LRP5: variants seen among roughly 807,000 people sequenced by gnomAD.
LRP5 encodes LDL receptor related protein 5, also known as low-density lipoprotein receptor-related protein 5.
A neutral mutation model predicts 154.1 loss-of-function variants in LRP5; 62 were observed. The observed-to-expected ratio is 0.40, with a 90% CI of 0.33 to 0.50. The LOEUF (loss-of-function observed/expected upper bound fraction) is 0.50, where lower values mean the gene tolerates loss of function less well. Among genes scored for constraint, LRP5 ranks in the 20% least tolerant of loss-of-function variants. The pLI, the probability that LRP5 is intolerant of heterozygous loss-of-function variation, is 0.55. For missense variants in LRP5, 1,915 were observed against 2,336.7 expected, an observed-to-expected ratio of 0.82 and a Z score of 3.72; for synonymous variants, 966 against 1,011.5, an observed-to-expected ratio of 0.96 and a Z score of 0.85.
In LRP5 at chr11:68,406,705, G is replaced by C; in HGVS notation, c.1983G>C (p.Glu661Asp). Reference protein sequence around the residue: ...SRAAIHRISLETNNNDVAIPL... With the variant: ...SRAAIHRISLDTNNNDVAIPL... ...CCGCCATCCACAGGATCTCCCTCGA[G>C]ACCAATAACAACGACGTGGCCATCC... The change falls in exon 9 of 23, where the codon GAG becomes GAC. Residue 661 changes from glutamate to aspartate, a missense_variant. Transcript: ENST00000294304. 2 of 1,614,188 alleles carry C rather than the reference G, an allele frequency of 1.2e-6. No homozygotes were observed. Among genetic ancestry groups the C allele is most frequent in the Non-Finnish European group, 1.7e-6 (2 of 1,180,048 alleles).
At chr11:68,340,283 T>C (rs1239343598) in intron 1 of LRP5, among the ~76,000 whole-genome samples, 1 of 152,132 alleles carries the variant, frequency 6.6e-6, no homozygotes, top group Non-Finnish European at 1.5e-5. Flanking sequence ...GATCACTTCC[T>C]GTTTCATGAA....
Position 68,421,777 on chromosome 11 carries a change from TGG to T in LRP5, c.3028-1708_3028-1707del, listed in dbSNP as rs1260902095. The stretch of plus-strand genomic sequence containing the variant: ...GGGGGAGGGAGGCACCCTTTCCATC[TGG>T]GGGTGTGTGTGTGTGGGGTGTGTGT... On this transcript the variant is annotated intron_variant, in intron 13 of 22. Coordinates refer to ENST00000294304, the MANE Select transcript of LRP5 (RefSeq NM_002335.4). Among the ~76,000 whole-genome samples, 925 of 138,088 alleles carry T rather than the reference TGG, an allele frequency of 6.7e-3. 8 individuals carry two copies. Among genetic ancestry groups the T allele is most frequent in the African/African-American group, 0.025 (866 of 34,422 alleles). The allele number at this position is 138,088 out of a possible 152,430, so 90.6% of individuals were successfully genotyped here.
intron 12 of LRP5, 90 bp from the exon 13 acceptor site, chr11:68,416,238 C>A: frequency 1.8e-6 from 2 of 1,123,996 alleles, no homozygotes; most frequent in Non-Finnish European, 1.4e-6. Context: ...GATGCTGAGC[C>A]GCCTGTTGTC....
intron 2 of LRP5, among the ~76,000 whole-genome samples, chr11:68,350,624 G>A (rs905236411): frequency 2.0e-5 from 3 of 152,356 alleles, no homozygotes; most frequent in Admixed American, 2.0e-4. Context: ...TCCTGCAGAT[G>A]CCCCTCCTCT....
intron 18 of LRP5, among the ~76,000 whole-genome samples, chr11:68,435,483 G>A (rs867759744): frequency 6.7e-6 from 1 of 150,352 alleles, no homozygotes; most frequent in Admixed American, 6.6e-5. Flanking sequence ...AGGGAGCAAC[G>A]GAGAGAGAGA....
the LRP5 span, among the ~76,000 whole-genome samples, chr11:68,304,226 T>C: frequency 6.6e-6 from 1 of 152,208 alleles, no homozygotes; most frequent in African/African-American, 2.4e-5. Context: ...CCTGCCTGCA[T>C]CTAGACTGTT....
At chr11:68,337,056 C>T (rs1230687988) in intron 1 of LRP5, among the ~76,000 whole-genome samples, 2 of 152,188 alleles carry the variant, frequency 1.3e-5, no homozygotes, top group Admixed American at 1.3e-4. Flanking sequence ...AAAACGCCAG[C>T]GTTGATCTTT....
intron 3 of LRP5, among the ~76,000 whole-genome samples, chr11:68,361,143 A>G (rs1232790121): frequency 6.7e-6 from 1 of 149,350 alleles, no homozygotes; most frequent in African/African-American, 2.5e-5. Flanking sequence ...GTCTCTACTA[A>G]AAATACAAAA....
intron 13 of LRP5, among the ~76,000 whole-genome samples, chr11:68,421,722 GTGGT>G (rs2098665794): frequency 7.7e-6 from 1 of 129,190 alleles, no homozygotes; most frequent in African/African-American, 2.6e-5. Flanking sequence ...GTGTGTGTGT[GTGGT>G]GTGTGTGTGG....
At chr11:68,313,500 C>T (rs2098590391) in intron 1 of LRP5, among the ~76,000 whole-genome samples, 1 of 152,174 alleles carries the variant, frequency 6.6e-6, no homozygotes. Context: ...CTCAGTTGTA[C>T]ACTCCCGTGG....
chr11:68,388,308 A>G (rs1456794923), intron 6 of LRP5, among the ~76,000 whole-genome samples: 1 of 151,970 alleles, frequency 6.6e-6, no homozygotes, highest in Non-Finnish European at 1.5e-5. Flanking sequence ...CACTGTCTAC[A>G]TGGGCCTCGG....
At chr11:68,400,504 T>C (rs1040266004) in intron 7 of LRP5, among the ~76,000 whole-genome samples, 3 of 152,118 alleles carry the variant, frequency 2.0e-5, no homozygotes, top group Non-Finnish European at 2.9e-5. Context: ...GCAGATCACC[T>C]GAGGTCGGGA....
At chr11:68,401,036 T>A (rs537603449) in intron 7 of LRP5, among the ~76,000 whole-genome samples, 204 of 152,112 alleles carry the variant, frequency 1.3e-3, no homozygotes, top group Non-Finnish European at 2.7e-3. Flanking sequence ...TTATTGTGAG[T>A]GGAAGAAGGG....
At chr11:68,384,832 G>T (rs2098642128) in intron 5 of LRP5, among the ~76,000 whole-genome samples, 1 of 152,206 alleles carries the variant, frequency 6.6e-6, no homozygotes, top group Admixed American at 6.5e-5. Flanking sequence ...AGGTTGGGGG[G>T]TCTCCGTGCG....
intron 2 of LRP5, among the ~76,000 whole-genome samples, chr11:68,351,765 G>A (rs2153132392): frequency 6.6e-6 from 1 of 152,332 alleles, no homozygotes; most frequent in South Asian, 2.1e-4. Context: ...AGGGACGTGT[G>A]CGTAGGGGGA....
chr11:68,331,957 G>T (rs2153119796), intron 1 of LRP5, among the ~76,000 whole-genome samples: 1 of 152,168 alleles, frequency 6.6e-6, no homozygotes, highest in Admixed American at 6.5e-5. Flanking sequence ...TGCTGTCTGG[G>T]TGACTGGGCT....
chr11:68,438,734 G>A, intron 20 of LRP5, 52 bp downstream of exon 20: 1 of 1,546,946 alleles, frequency 6.5e-7, no homozygotes, highest in Non-Finnish European at 8.8e-7. Context: ...GAGTAGTCTG[G>A]GCAGCTTTGG....
chr11:68,360,987 A>T (rs1448653371), intron 3 of LRP5, among the ~76,000 whole-genome samples: 1 of 73,124 alleles, frequency 1.4e-5, no homozygotes, highest in African/African-American at 5.8e-5. Flanking sequence ...ACAGAGCAAG[A>T]CTCTATCTCA....
chr11:68,383,256 G>C (rs1171511594), intron 5 of LRP5, among the ~76,000 whole-genome samples: 1 of 152,144 alleles, frequency 6.6e-6, no homozygotes, highest in Non-Finnish European at 1.5e-5. Flanking sequence ...ATCAAGTGCC[G>C]GTTTCTGTCT....
Sources: gnomAD v4.1 joint callset for allele counts (sites outside exome capture counted in the v4.1 genomes callset) on GRCh38, gnomAD v4.1.1 for gene constraint, MANE v1.5 for transcripts, NCBI Gene and HGNC (gene_info 2026-07-23, HGNC 2026-07-21) for gene names.